The following ZPR1 variants were observed in gnomAD, a reference collection of about 807,000 sequenced individuals.
ZPR1 encodes the protein ZPR1 zinc finger, also known as zinc finger protein ZPR1.
A neutral mutation model predicts 59.6 loss-of-function variants in ZPR1; 37 were observed. The ratio of observed to expected loss-of-function variants is 0.62; its 90% confidence interval spans 0.48 to 0.82. ZPR1 has a LOEUF of 0.82. Ranked by LOEUF, ZPR1 falls within the 40% of genes least tolerant of loss-of-function variation. The probability of loss-of-function intolerance (pLI) is 0.00; values close to 1 mark genes in which losing one functional copy is unlikely to be tolerated. For synonymous variants in ZPR1, 191 were observed against 215.2 expected (o/e 0.89, Z 0.99); for missense variants, 527 against 579.9 (o/e 0.91, Z 0.94).
intron 4 of ZPR1, 43 bp downstream of exon 4, chr11:116,786,468 C>A (rs1286394742): frequency 3.1e-6 from 5 of 1,611,830 alleles, no homozygotes; most frequent in Middle Eastern, 1.6e-4. Flanking sequence ...TCTATATAAG[C>A]AATTATTCCT....
chr11:116,782,482 G>C lies in ZPR1; in HGVS notation c.1093-238C>G, dbSNP rs556838436. Among the ~76,000 whole-genome samples, 75 of 152,308 alleles carry C rather than the reference G, an allele frequency of 4.9e-4. No individual in the cohort carries two copies. The Middle Eastern group carries it at 0.02, about 41-fold the overall frequency. ...AACATGTTCTTAGAATATGATCTCT[G>C]ATACTAATTTGGAGAAGAAATGCAA... On this transcript the variant is annotated intron_variant, in intron 11 of 13. Coordinates refer to ENST00000227322, the MANE Select transcript of ZPR1 (RefSeq NM_003904.5).
intron 8 of ZPR1, 21 bp downstream of exon 8, chr11:116,784,834 C>T: frequency 6.2e-7 from 1 of 1,613,920 alleles, no homozygotes; most frequent in Non-Finnish European, 8.5e-7. Context: ...AAGAGCAACC[C>T]AACTGCTTGG....
At chr11:116,785,406 A>C in intron 6 of ZPR1, 108 bp downstream of exon 6, 1 of 1,490,232 alleles carries the variant, frequency 6.7e-7, no homozygotes, top group East Asian at 2.3e-5. Context: ...AAACAAGCTG[A>C]GATAGGGCAC....
Position 116,784,425 on chromosome 11 carries a change from T to TA in ZPR1, c.843dup (p.Ile282TyrfsTer16), listed in dbSNP as rs1319873937. The TA allele has an allele frequency of 6.2e-7, 1 of 1,614,086 alleles. No homozygotes were observed. Among genetic ancestry groups the TA allele is most frequent in the Non-Finnish European group, 8.5e-7 (1 of 1,180,038 alleles). On this transcript the variant is annotated frameshift_variant, in exon 9 of 14. Coordinates refer to ENST00000227322, the MANE Select transcript of ZPR1 (RefSeq NM_003904.5). LOFTEE classifies it high-confidence loss of function. ...TTCTCGCAGTTGGTAGCCATGATGA[T>TA]AACCTCCTTAAAGTGAGGGATTTCT...
intron 13 of ZPR1, among the ~76,000 whole-genome samples, chr11:116,779,352 T>C (rs1250062307): frequency 6.6e-6 from 1 of 151,928 alleles, no homozygotes; most frequent in Non-Finnish European, 1.5e-5. Context: ...CTTAGAAGAG[T>C]TTTGCCTGAC....
rs141254992 is a variant in ZPR1, at chr11:116,782,076, A to G, written c.1179+82T>C. The G allele has an allele frequency of 1.3e-3, 1,354 of 1,033,538 alleles. 19 individuals are homozygous for G. The African/African-American group carries it at 0.02, about 15-fold the overall frequency. 64.0% of individuals were successfully genotyped at this position (1,033,538 alleles called of 1,614,324 possible). ...CCCAACATGATGGTTAGATGTTCAA[A>G]AAGTGGCAAGACATGAGCATGCAGC... On this transcript the variant is annotated intron_variant, in intron 12 of 13. Transcript: ENST00000227322.
rs1194439066 is a variant in ZPR1 at position 116,774,466 on chromosome 11, T to G, written c.*4459A>C. 1 of 152,008 alleles carries G rather than the reference T, an allele frequency of 6.6e-6. No homozygotes were observed. The highest frequency in any genetic ancestry group is 6.6e-5 in the Admixed American group (1 of 15,258). 9.4% of individuals were successfully genotyped at this position (152,008 alleles called of 1,614,324 possible). On this transcript the variant is annotated 3_prime_UTR_variant, in exon 14 of 14. Coordinates refer to ENST00000227322, the MANE Select transcript of ZPR1 (RefSeq NM_003904.5). The stretch of plus-strand genomic sequence containing the variant: ...TTTCTTGGACCAAGAGTCAAAAAGG[T>G]CACTTTTTTAATATATTAGTCAAGC...
intron 11 of ZPR1, 89 bp from the exon 12 acceptor site, chr11:116,782,333 G>A (rs887472789): frequency 1.7e-6 from 2 of 1,145,940 alleles, no homozygotes; most frequent in African/African-American, 1.5e-5. Flanking sequence ...GACAGTGGGT[G>A]CCCTGTCAGG....
At chr11:116,785,996 A>C (rs1193252267) in intron 4 of ZPR1, 114 bp from the exon 5 acceptor site, 3 of 900,716 alleles carry the variant, frequency 3.3e-6, no homozygotes, top group Non-Finnish European at 5.5e-6. Flanking sequence ...GTGTGAGTGG[A>C]AACAGAGTGA....
rs1940714290 is a variant in ZPR1 at position 116,775,671 on chromosome 11, T to G, written c.*3254A>C. The G allele has an allele frequency of 6.5e-6, 1 of 154,570 alleles. No individual in the cohort carries two copies. The allele number at this position is 154,570 out of a possible 1,614,324, so 9.6% of individuals were successfully genotyped here. A position where few individuals can be genotyped will look rare whatever the true frequency, so the allele number is the denominator to read the frequency against. ...AAAAAAAAAAAAAAAAAGCTCTGCT[T>G]CCTTCTGGAAGTAACCTCTCTGAGG... On this transcript the variant is annotated 3_prime_UTR_variant, in exon 14 of 14. Coordinates refer to ENST00000227322, the MANE Select transcript of ZPR1 (RefSeq NM_003904.5).
At chr11:116,782,105 C>A in intron 12 of ZPR1, 53 bp downstream of exon 12, 1 of 1,396,366 alleles carries the variant, frequency 7.2e-7, no homozygotes, top group Non-Finnish European at 1.0e-6. Context: ...ATGCAGCCTC[C>A]TGTTCACTGG....
chr11:116,776,058 G>A lies in ZPR1; in HGVS notation c.*2867C>T, dbSNP rs1313272161. The A allele has an allele frequency of 6.6e-6, 1 of 152,240 alleles. No homozygotes were observed. 9.4% of individuals were successfully genotyped at this position (152,240 alleles called of 1,614,324 possible). On this transcript the variant is annotated 3_prime_UTR_variant, in exon 14 of 14. Transcript: ENST00000227322. The stretch of plus-strand genomic sequence containing the variant: ...AAGTTTTCAGTTGGCCAAGTCAACT[G>A]CCCTTCATACTTGCTCCCAACACTC...
chr11:116,785,758 C>A (rs1427796434), intron 5 of ZPR1, 38 bp downstream of exon 5: 19 of 1,611,886 alleles, frequency 1.2e-5, no homozygotes, highest in Non-Finnish European at 1.6e-5. Flanking sequence ...GGTCCCTCCT[C>A]CCCTAATCAA....
Position 116,787,924 on chromosome 11 carries a change from C to G in ZPR1, c.67G>C (p.Ala23Pro). Residue 23 changes from alanine to proline, a missense_variant, in exon 1 of 14, where the codon GCC (alanine) becomes CCC (proline). By Grantham distance (27) the Ala-to-Pro change is conservative (BLOSUM62 -1). Transcript: ENST00000227322. ...AGGTGATCAGGGGCAGGCGGCGGGG[C>G]CGGGGCGGGCGACGGGGCGACGGCA... ...GAAVAPSPAP[A>P]PPPAPDHLFR... The G allele has an allele frequency of 6.7e-7, 1 of 1,495,244 alleles. No individual in the cohort carries two copies. The highest frequency in any genetic ancestry group is 8.9e-7 in the Non-Finnish European group (1 of 1,128,964). The allele number at this position is 1,495,244 out of a possible 1,614,324, so 92.6% of individuals were successfully genotyped here.
intron 9 of ZPR1, 98 bp downstream of exon 9, chr11:116,784,280 C>A: frequency 1.6e-6 from 2 of 1,289,366 alleles, no homozygotes; most frequent in South Asian, 2.4e-5. Context: ...CTACTCTACA[C>A]CCCCTGCCCC....
rs201399491 is a variant in ZPR1 at position 116,787,938 on chromosome 11, G to C, written c.53C>G (p.Pro18Arg). Residue 18 changes from proline to arginine, a missense_variant, in exon 1 of 14, where the codon CCG becomes CGG. By Grantham distance (103) the Pro-to-Arg change is moderately radical. Transcript: ENST00000227322. ...AGGCGGCGGGGCCGGGGCGGGCGAC[G>C]GGGCGACGGCAGCCCCCGGGGGCCC... ...EPGPPGAAVA[P>R]SPAPAPPPAP... 7.6e-5 allele frequency: 112 copies of C among 1,478,188 alleles called. No homozygotes were observed. The highest frequency in any genetic ancestry group is 9.5e-5 in the Non-Finnish European group (107 of 1,122,004). 91.6% of individuals were successfully genotyped at this position (1,478,188 alleles called of 1,614,324 possible). A position where few individuals can be genotyped will look rare whatever the true frequency, so the allele number is the denominator to read the frequency against.
At chr11:116,782,511 A>G (rs1293164105) in intron 11 of ZPR1, among the ~76,000 whole-genome samples, 1 of 152,238 alleles carries the variant, frequency 6.6e-6, no homozygotes, top group Non-Finnish European at 1.5e-5. Flanking sequence ...AATGCAAAGA[A>G]AAAGTACAAT....
intron 12 of ZPR1, among the ~76,000 whole-genome samples, chr11:116,780,289 A>AG (rs1952125186): frequency 7.0e-6 from 1 of 142,882 alleles, no homozygotes; most frequent in Non-Finnish European, 1.5e-5. Context: ...TTGAAGGTAG[A>AG]GGGAAAGGAA....
chr11:116,782,280 G>A, intron 11 of ZPR1, 36 bp from the exon 12 acceptor site: 1 of 1,577,672 alleles, frequency 6.3e-7, no homozygotes, highest in Non-Finnish European at 8.7e-7. Context: ...TGTGAATACT[G>A]GCTTTATATT....
Sources: gnomAD v4.1 joint callset for allele counts (sites outside exome capture counted in the v4.1 genomes callset) on GRCh38, gnomAD v4.1.1 for gene constraint, MANE v1.5 for transcripts, NCBI Gene and HGNC (gene_info 2026-07-23, HGNC 2026-07-21) for gene names.